KIAA0825: variants seen among roughly 807,000 people sequenced by gnomAD.
The protein encoded by KIAA0825 is KIAA0825, also known as uncharacterized protein KIAA0825.
A neutral mutation model predicts 147.6 loss-of-function variants in KIAA0825; 119 were observed. The observed-to-expected ratio is 0.81, with a 90% CI of 0.69 to 0.94. The LOEUF is 0.94. Among genes scored for constraint, KIAA0825 ranks in the 40% least tolerant of loss-of-function variants. The pLI is 0.00. For missense variants in KIAA0825, 1,381 were observed against 1,472.7 expected (o/e 0.94, Z 1.02); for synonymous variants, 470 against 518.1 (o/e 0.91, Z 1.26).
chr5:94,459,039 C>G (rs1001373495), intron 12 of KIAA0825, among the ~76,000 whole-genome samples: 24 of 152,080 alleles, frequency 1.6e-4, no homozygotes, highest in African/African-American at 5.8e-4. Flanking sequence ...ATGGATTTGC[C>G]TATTCCGGAC....
At chr5:94,341,506 A>T (rs1257526601) in intron 20 of KIAA0825, among the ~76,000 whole-genome samples, 1 of 152,228 alleles carries the variant, frequency 6.6e-6, no homozygotes, top group Non-Finnish European at 1.5e-5. Flanking sequence ...CATTTGTCAC[A>T]GCAATGAGGG....
At chr5:94,589,892 A>C (rs1784034092) in intron 1 of KIAA0825, among the ~76,000 whole-genome samples, 1 of 151,958 alleles carries the variant, frequency 6.6e-6, no homozygotes, top group South Asian at 2.1e-4. Context: ...GAAATAATAG[A>C]AATAGATGGC....
chr5:94,563,460 T>C (rs189956156), intron 2 of KIAA0825, among the ~76,000 whole-genome samples: 1 of 152,258 alleles, frequency 6.6e-6, no homozygotes, highest in East Asian at 1.9e-4. Context: ...CTTGACAGGT[T>C]ATCAAAGTCC....
intron 14 of KIAA0825, among the ~76,000 whole-genome samples, chr5:94,428,143 T>TTG (rs61572627): frequency 0.052 from 7,012 of 134,422 alleles, 186 homozygotes; most frequent in African/African-American, 0.087. Context: ...TAAGGTCTTG[T>TTG]TGTGTGTGTG....
chr5:94,569,756 G>A lies in KIAA0825; in HGVS notation c.-2+12677C>T, dbSNP rs138094057. 5.7e-4 allele frequency: 146 copies of A among 256,352 alleles called. 1 individual carries two copies. Among genetic ancestry groups the A allele is most frequent in the South Asian group, 4.7e-3 (29 of 6,168 alleles). 15.9% of individuals were successfully genotyped at this position (256,352 alleles called of 1,614,324 possible). ...ATCAATCGCCCACATCACCTGAGAC[G>A]TAAACCATGGCTGAATCATCCGCTA... On this transcript the variant is annotated intron_variant, in intron 2 of 20. Transcript: ENST00000682413.
At chr5:94,279,597 A>G (rs1777371973) in intron 20 of KIAA0825, among the ~76,000 whole-genome samples, 1 of 151,848 alleles carries the variant, frequency 6.6e-6, no homozygotes, top group African/African-American at 2.4e-5. Context: ...ATTTATCTCT[A>G]CTTACTCAAT....
Position 94,440,020 on chromosome 5 carries a change from T to C in KIAA0825, c.2459A>G (p.His820Arg). The C allele has an allele frequency of 1.3e-6, 2 of 1,551,796 alleles. No homozygotes were observed. The highest frequency in any genetic ancestry group is 2.4e-5 in the South Asian group (2 of 84,044). ...CAAGATTCTCAGTAAAAGTCCATCATGATGCAGTAGGGTTTCCAGAAGCAA... is the reference window on the plus strand; with the variant it reads ...CAAGATTCTCAGTAAAAGTCCATCACGATGCAGTAGGGTTTCCAGAAGCAA... ...WNLLLETLLH[H>R]DGLLLRILLK... The change falls in exon 14 of 21, where the codon CAT (histidine) becomes CGT (arginine). Residue 820 changes from histidine (H) to arginine (R), a missense_variant. Physicochemically the swap from His to Arg is conservative, Grantham distance 29 (BLOSUM62 0). Coordinates refer to ENST00000682413, the MANE Select transcript of KIAA0825 (RefSeq NM_001145678.3).
intron 20 of KIAA0825, among the ~76,000 whole-genome samples, chr5:94,263,098 TTTG>T (rs927862699): frequency 2.0e-5 from 3 of 152,052 alleles, no homozygotes; most frequent in Non-Finnish European, 2.9e-5. Context: ...TCAGGGTGGT[TTTG>T]TTAGGTTCTA....
chr5:94,470,175 TCCAG>T, intron 9 of KIAA0825, 64 bp from the exon 10 acceptor site: 1 of 1,184,844 alleles, frequency 8.4e-7, no homozygotes, highest in Non-Finnish European at 1.1e-6. Context: ...GATAACAATC[TCCAG>T]TACTACAAAT....
intron 5 of KIAA0825, among the ~76,000 whole-genome samples, chr5:94,519,003 G>A (rs996399004): frequency 6.6e-6 from 1 of 151,728 alleles, no homozygotes; most frequent in Non-Finnish European, 1.5e-5. Context: ...CACTAATAAA[G>A]TGCATTTTAA....
intron 5 of KIAA0825, among the ~76,000 whole-genome samples, chr5:94,503,065 C>CAA (rs34563969): frequency 3.0e-4 from 43 of 142,286 alleles, no homozygotes; most frequent in African/African-American, 1.1e-3. Context: ...GACTCCATCT[C>CAA]AAAAAAAAAT....
rs568428814 is a variant in KIAA0825 at position 94,500,901 on chromosome 5, C to T, written c.971-15971G>A. On this transcript the variant is annotated intron_variant, in intron 5 of 20. Coordinates refer to ENST00000682413, the MANE Select transcript of KIAA0825 (RefSeq NM_001145678.3). Reference sequence around the variant, plus strand: ...CAAGCAATTCCCCTGCCTCAGTCTCCCTAGTAGCTGGGATTACAGGTGCCC... The same window carrying T: ...CAAGCAATTCCCCTGCCTCAGTCTCTCTAGTAGCTGGGATTACAGGTGCCC... Among the ~76,000 whole-genome samples, 84 of 152,218 alleles carry T rather than the reference C, an allele frequency of 5.5e-4. 1 individual carries two copies. Among genetic ancestry groups the T allele is most frequent in the African/African-American group, 1.6e-3 (68 of 41,528 alleles).
At chr5:94,351,079 C>G (rs1329701324) in intron 20 of KIAA0825, among the ~76,000 whole-genome samples, 1 of 151,938 alleles carries the variant, frequency 6.6e-6, no homozygotes, top group Non-Finnish European at 1.5e-5. Flanking sequence ...GCAATCCAGA[C>G]AAGAGAAAGA....
chr5:94,231,932 T>C (rs1774729923), intron 20 of KIAA0825, among the ~76,000 whole-genome samples: 1 of 152,136 alleles, frequency 6.6e-6, no homozygotes, highest in Non-Finnish European at 1.5e-5. Context: ...GAACTGTGTA[T>C]AACTGGAAGC....
At chr5:94,227,445 C>T (rs1774290917) in intron 20 of KIAA0825, among the ~76,000 whole-genome samples, 1 of 151,604 alleles carries the variant, frequency 6.6e-6, no homozygotes, top group Non-Finnish European at 1.5e-5. Flanking sequence ...ATACTTAATG[C>T]TAAATGACGA....
intron 14 of KIAA0825, among the ~76,000 whole-genome samples, chr5:94,433,104 G>A (rs1397646305): frequency 6.6e-6 from 1 of 152,154 alleles, no homozygotes; most frequent in African/African-American, 2.4e-5. Flanking sequence ...CGCAATCTCG[G>A]TTCACTGCAA....
At chr5:94,160,955 A>C (rs1035716935) in intron 20 of KIAA0825, among the ~76,000 whole-genome samples, 29 of 152,172 alleles carry the variant, frequency 1.9e-4, no homozygotes, top group Non-Finnish European at 3.4e-4. Flanking sequence ...TCTCAGGATC[A>C]GTCCTAGACC....
intron 20 of KIAA0825, among the ~76,000 whole-genome samples, chr5:94,207,932 C>T (rs558684199): frequency 6.6e-5 from 10 of 152,062 alleles, no homozygotes; most frequent in South Asian, 2.1e-4. Context: ...GAACAATTGC[C>T]GAACTGTTCA....
intron 1 of KIAA0825, among the ~76,000 whole-genome samples, chr5:94,588,928 C>G (rs1218138900): frequency 1.3e-5 from 2 of 152,032 alleles, no homozygotes; most frequent in Admixed American, 1.3e-4. Context: ...GGACAGAAAA[C>G]CAAACACTGC....
Sources: gnomAD v4.1 joint callset for allele counts (sites outside exome capture counted in the v4.1 genomes callset) on GRCh38, gnomAD v4.1.1 for gene constraint, MANE v1.5 for transcripts, NCBI Gene and HGNC (gene_info 2026-07-23, HGNC 2026-07-21) for gene names.